The following DSG2 variants were observed in gnomAD, a reference collection of about 807,000 sequenced individuals.
DSG2 encodes desmoglein 2, also known as desmoglein-2.
DSG2 carries 45 observed loss-of-function variants against 75.6 expected under a neutral mutation model. That is an observed-to-expected ratio of 0.60 (90% CI 0.47 to 0.76). The LOEUF (loss-of-function observed/expected upper bound fraction) is 0.76, where lower values mean the gene tolerates loss of function less well. DSG2 is among the 30% of genes least tolerant of loss of function. The pLI is 0.00. For synonymous variants in DSG2, 429 were observed against 483.9 expected (o/e 0.89, Z 1.49); for missense variants, 1,267 against 1,357.4 (o/e 0.93, Z 1.05).
intron 3 of DSG2, 51 bp from the exon 4 acceptor site, chr18:31,520,752 A>G (rs1411190765): frequency 1.9e-6 from 3 of 1,581,668 alleles, no homozygotes. Flanking sequence ...GATCAAATCT[A>G]GTAAATTACA....
At chr18:31,531,380 A>G (rs2073197970) in intron 9 of DSG2, 128 bp downstream of exon 9, 4 of 1,184,634 alleles carry the variant, frequency 3.4e-6, no homozygotes, top group East Asian at 5.1e-5. Context: ...AAGGTCTACA[A>G]GTTAAATTTT....
At chr18:31,534,876 A>G (rs1208582420) in intron 9 of DSG2, among the ~76,000 whole-genome samples, 1 of 152,226 alleles carries the variant, frequency 6.6e-6, no homozygotes, top group Non-Finnish European at 1.5e-5. Flanking sequence ...AAACAACAGA[A>G]CATAAGACTG....
At chr18:31,539,916 C>T (rs1298494994) in intron 12 of DSG2, among the ~76,000 whole-genome samples, 1 of 152,074 alleles carries the variant, frequency 6.6e-6, no homozygotes, top group East Asian at 1.9e-4. Flanking sequence ...CTTATAGGAG[C>T]TCAAACTCTA....
At chr18:31,544,676 T>C (rs1386808414) in intron 14 of DSG2, among the ~76,000 whole-genome samples, 1 of 152,196 alleles carries the variant, frequency 6.6e-6, no homozygotes, top group Non-Finnish European at 1.5e-5. Context: ...TTTACCAGAC[T>C]AATTAGGATA....
chr18:31,508,534 C>T (rs1194937200), intron 1 of DSG2, among the ~76,000 whole-genome samples: 9 of 152,030 alleles, frequency 5.9e-5, no homozygotes, highest in African/African-American at 1.9e-4. Flanking sequence ...GCTGGGATTA[C>T]AGGCATGCAC....
intron 12 of DSG2, among the ~76,000 whole-genome samples, chr18:31,540,219 A>C (rs1200039447): frequency 6.6e-6 from 1 of 152,220 alleles, no homozygotes; most frequent in East Asian, 1.9e-4. Flanking sequence ...CTTCCATGAA[A>C]CCAGTCCCTG....
chr18:31,546,638 T>G lies in DSG2; in HGVS notation c.3252T>G (p.Pro1084=), dbSNP rs2073313641. The G allele has an allele frequency of 1.9e-6, 3 of 1,614,118 alleles. No individual in the cohort carries two copies. Among genetic ancestry groups the G allele is most frequent in the Non-Finnish European group, 2.5e-6 (3 of 1,180,036 alleles). The part of the protein sequence containing the change: ...TTVSGAGVPG[P]LPDFGLEESG... ...TGTCTGGAGCTGGAGTCCCTGGCCCTCTGCCAGATTTTGGTTTAGAGGAAT... is the reference window on the plus strand; with the variant it reads ...TGTCTGGAGCTGGAGTCCCTGGCCCGCTGCCAGATTTTGGTTTAGAGGAAT... The change falls in exon 15 of 15, where the codon CCT becomes CCG. Residue 1084 remains proline, a synonymous_variant. Coordinates refer to ENST00000261590, the MANE Select transcript of DSG2 (RefSeq NM_001943.5).
intron 8 of DSG2, among the ~76,000 whole-genome samples, chr18:31,530,249 T>C (rs1457002542): frequency 1.3e-5 from 2 of 152,158 alleles, no homozygotes; most frequent in Non-Finnish European, 1.5e-5. Context: ...AATATATAGC[T>C]ATATTAGAGG....
chr18:31,519,188 A>G (rs1399696901), intron 2 of DSG2, among the ~76,000 whole-genome samples: 3 of 152,204 alleles, frequency 2.0e-5, no homozygotes, highest in African/African-American at 7.2e-5. Flanking sequence ...TACTTTGCCA[A>G]TTTGTAAGGC....
At position 31,548,224 on chromosome 18, in the gene DSG2, T is replaced by C. The variant is rs2073328588; in HGVS notation, c.*1481T>C. The C allele has an allele frequency of 6.6e-6, 1 of 152,186 alleles. No homozygotes were observed. Among genetic ancestry groups the C allele is most frequent in the Admixed American group, 6.5e-5 (1 of 15,280 alleles). The allele number at this position is 152,186 out of a possible 1,614,324, so 9.4% of individuals were successfully genotyped here. A position where few individuals can be genotyped will look rare whatever the true frequency, so the allele number is the denominator to read the frequency against. The stretch of plus-strand genomic sequence containing the variant: ...TTTTTTACAAATCATTTGGGTTATC[T>C]CCTAAATAGGTTATATTTTATTGCT... On this transcript the variant is annotated 3_prime_UTR_variant, in exon 15 of 15. Coordinates refer to ENST00000261590, the MANE Select transcript of DSG2 (RefSeq NM_001943.5).
At chr18:31,528,127 G>A (rs2073173489) in intron 8 of DSG2, among the ~76,000 whole-genome samples, 1 of 152,176 alleles carries the variant, frequency 6.6e-6, no homozygotes, top group Admixed American at 6.5e-5. Context: ...ACATGATGCA[G>A]GCAGTTTGAC....
At chr18:31,523,146 A>G (rs1031899368) in intron 6 of DSG2, among the ~76,000 whole-genome samples, 1 of 152,204 alleles carries the variant, frequency 6.6e-6, no homozygotes, top group Non-Finnish European at 1.5e-5. Context: ...TCATGCCTGT[A>G]ATGCCAGCAC....
intron 9 of DSG2, 84 bp downstream of exon 9, chr18:31,531,336 T>G: frequency 6.8e-7 from 1 of 1,476,882 alleles, no homozygotes; most frequent in Non-Finnish European, 9.3e-7. Context: ...ATCTGAACAC[T>G]TCATTCCTTC....
At chr18:31,517,775 C>CA (rs2073102205) in intron 1 of DSG2, among the ~76,000 whole-genome samples, 1 of 151,922 alleles carries the variant, frequency 6.6e-6, no homozygotes, top group African/African-American at 2.4e-5. Context: ...GAAGTCAGAA[C>CA]ATGGGCTGTC....
At chr18:31,527,072 G>A (rs1039993101) in intron 8 of DSG2, among the ~76,000 whole-genome samples, 6 of 152,082 alleles carry the variant, frequency 3.9e-5, no homozygotes, top group Non-Finnish European at 8.8e-5. Context: ...GTAACTTTCA[G>A]TCTTGCAAGC....
Position 31,546,116 on chromosome 18 carries a change from A to C in DSG2, c.2730A>C (p.Arg910Ser), listed in dbSNP as rs1351968657. ...TAACTCAGGAAATAGTCACTGAAAG[A>C]TCTGTGTCTTCTAGGCAGGCGCAAA... ...EKVTQEIVTE[R>S]SVSSRQAQKV... Residue 910 changes from arginine (R) to serine (S), a missense_variant, in exon 15 of 15, where the codon AGA (arginine) becomes AGC (serine). Coordinates refer to ENST00000261590, the MANE Select transcript of DSG2 (RefSeq NM_001943.5). The C allele has an allele frequency of 1.2e-6, 2 of 1,614,064 alleles. No individual in the cohort carries two copies. The highest frequency in any genetic ancestry group is 8.5e-7 in the Non-Finnish European group (1 of 1,180,044).
intron 1 of DSG2, among the ~76,000 whole-genome samples, chr18:31,509,180 A>C (rs751847891): frequency 3.3e-5 from 5 of 152,240 alleles, no homozygotes; most frequent in African/African-American, 4.8e-5. Flanking sequence ...GTAGCAAAGC[A>C]TTGCTAAATG....
intron 9 of DSG2, 121 bp from the exon 10 acceptor site, chr18:31,535,149 C>A: frequency 1.3e-6 from 1 of 753,232 alleles, no homozygotes. Flanking sequence ...ACATTCAAAA[C>A]AAATGCCTGT....
In DSG2 at chr18:31,545,080, G is replaced by A. The variant is rs962444902; in HGVS notation, c.2335-641G>A. Among the ~76,000 whole-genome samples, 4 of 152,160 alleles carry A rather than the reference G, an allele frequency of 2.6e-5. No individual in the cohort carries two copies. The East Asian group carries it at 7.7e-4, about 29-fold the overall frequency. ...ATTTCTTGGCCTTTCCTGTCTCACT[G>A]CTAAGCTCAATTCTAGCGTCCTGTT... On this transcript the variant is annotated intron_variant, in intron 14 of 14. Coordinates refer to ENST00000261590, the MANE Select transcript of DSG2 (RefSeq NM_001943.5).
Sources: gnomAD v4.1 joint callset for allele counts (sites outside exome capture counted in the v4.1 genomes callset) on GRCh38, gnomAD v4.1.1 for gene constraint, MANE v1.5 for transcripts, NCBI Gene and HGNC (gene_info 2026-07-23, HGNC 2026-07-21) for gene names.